Variants in DNAH6 observed in about 807,000 individuals in gnomAD.
The protein encoded by DNAH6 is dynein axonemal heavy chain 6, also known as axonemal beta dynein heavy chain 6.
DNAH6 carries 340 observed loss-of-function variants against 491.4 expected under a neutral mutation model. The ratio of observed to expected loss-of-function variants is 0.69; its 90% confidence interval spans 0.63 to 0.76. DNAH6 has a LOEUF of 0.76. DNAH6 is among the 30% of genes least tolerant of loss of function. The pLI, the probability that DNAH6 is intolerant of heterozygous loss-of-function variation, is 0.00. For synonymous variants in DNAH6, 1,603 were observed against 1,686.1 expected (o/e 0.95, Z 1.21); for missense variants, 4,443 against 4,972.2 (o/e 0.89, Z 3.20).
chr2:84,736,252 T>C (rs1192323), intron 62 of DNAH6, among the ~76,000 whole-genome samples: 9,497 of 152,244 alleles, frequency 0.062, 343 homozygotes, highest in African/African-American at 0.096. Flanking sequence ...TGTAGTCTTG[T>C]AGTATATTTA....
chr2:84,486,180 C>A, the DNAH6 span, among the ~76,000 whole-genome samples: 1 of 152,144 alleles, frequency 6.6e-6, no homozygotes, highest in South Asian at 2.1e-4. Context: ...TGCCTCATTT[C>A]TCATGAAAAA....
At chr2:84,750,258 C>A (rs1450007759) in intron 63 of DNAH6, among the ~76,000 whole-genome samples, 2 of 138,590 alleles carry the variant, frequency 1.4e-5, no homozygotes, top group Non-Finnish European at 3.0e-5. Context: ...GTGGCATGAT[C>A]TCCACTCACT....
At chr2:84,533,217 A>G (rs1454480687) in intron 4 of DNAH6, among the ~76,000 whole-genome samples, 1 of 152,158 alleles carries the variant, frequency 6.6e-6, no homozygotes, top group Non-Finnish European at 1.5e-5. Context: ...TAGCATTGAC[A>G]GAGAGTGAAA....
intron 70 of DNAH6, among the ~76,000 whole-genome samples, chr2:84,804,895 AACTTCT>A (rs1232376623): frequency 6.6e-6 from 1 of 152,056 alleles, no homozygotes; most frequent in Non-Finnish European, 1.5e-5. Context: ...AGTTCACCAC[AACTTCT>A]AATTCCTGGG....
intron 64 of DNAH6, among the ~76,000 whole-genome samples, chr2:84,779,436 T>C (rs747591369): frequency 6.6e-6 from 1 of 152,196 alleles, no homozygotes; most frequent in African/African-American, 2.4e-5. Context: ...TTTAGTCTTA[T>C]TTCTACAATA....
chr2:84,677,174 G>C (rs1411643634), intron 41 of DNAH6, 38 bp downstream of exon 41: 1 of 1,551,048 alleles, frequency 6.4e-7, no homozygotes, highest in East Asian at 2.4e-5. Flanking sequence ...AGGAGGAAAA[G>C]AAAGCATATT....
At chr2:84,499,236 T>C in the DNAH6 span, among the ~76,000 whole-genome samples, 1 of 152,100 alleles carries the variant, frequency 6.6e-6, no homozygotes, top group Non-Finnish European at 1.5e-5. Context: ...CTACTCTGTG[T>C]ATCCATGAGT....
chr2:84,624,274 G>A lies in DNAH6; in HGVS notation c.4081G>A (p.Ala1361Thr). Residue 1361 changes from alanine to threonine, a missense_variant, in exon 27 of 77, where the codon GCC (alanine) becomes ACC (threonine). Coordinates refer to ENST00000389394, the MANE Select transcript of DNAH6 (RefSeq NM_001370.2). Reference protein sequence around the residue: ...FEKVNFERLNALAAIVQGSLP... With the variant: ...FEKVNFERLNTLAAIVQGSLP... ...TTTTTTTTATTTGTAGAGATTAAAT[G>A]CCCTAGCTGCAATAGTTCAAGGCAG... is the stretch of plus-strand genomic sequence containing the variant. 6.5e-7 allele frequency: 1 copy of A among 1,546,184 alleles called. No individual in the cohort carries two copies. Among genetic ancestry groups the A allele is most frequent in the South Asian group, 1.2e-5 (1 of 82,568 alleles).
rs982838724 is a variant in DNAH6 at position 84,745,119 on chromosome 2, G to C, written c.10382G>C (p.Gly3461Ala). Residue 3461 changes from glycine (G) to alanine (A), a missense_variant, in exon 63 of 77, where the codon GGC becomes GCC. Around this residue, in one of 3 missense-constraint regions of DNAH6, gnomAD observed 1,463 missense variants for 1,656.6 expected, o/e 0.88. Transcript: ENST00000389394. ...ETYINPQKWE[G>A]YSKMKHEDKH... ...TATATTAACCCACAGAAATGGGAAGGCTATTCTAAAATGAAACACGAAGAT... is the reference window on the plus strand; with the variant it reads ...TATATTAACCCACAGAAATGGGAAGCCTATTCTAAAATGAAACACGAAGAT... 9 of 1,541,954 alleles carry C rather than the reference G, an allele frequency of 5.8e-6. No individual in the cohort carries two copies. The South Asian group carries it at 6.1e-5, about 10-fold the overall frequency.
intron 59 of DNAH6, among the ~76,000 whole-genome samples, chr2:84,719,292 C>T (rs1697856359): frequency 6.6e-6 from 1 of 152,104 alleles, no homozygotes; most frequent in East Asian, 1.9e-4. Flanking sequence ...GTCGTTCATT[C>T]TTCCTTGGGT....
intron 63 of DNAH6, among the ~76,000 whole-genome samples, chr2:84,748,776 C>A (rs143181921): frequency 6.6e-6 from 1 of 152,140 alleles, no homozygotes; most frequent in African/African-American, 2.4e-5. Flanking sequence ...CTGTATTGGT[C>A]CATTTTGCAT....
intron 37 of DNAH6, among the ~76,000 whole-genome samples, chr2:84,668,185 C>G (rs1423768366): frequency 6.6e-6 from 1 of 152,126 alleles, no homozygotes; most frequent in African/African-American, 2.4e-5. Flanking sequence ...CACATGTATA[C>G]ATACGTAATA....
chr2:84,653,091 T>C (rs925999191), intron 33 of DNAH6, among the ~76,000 whole-genome samples: 2 of 152,154 alleles, frequency 1.3e-5, no homozygotes, highest in African/African-American at 4.8e-5. Flanking sequence ...AAGCTCCTAA[T>C]ATACTTAGGA....
At chr2:84,556,499 T>C (rs1234544907) in intron 10 of DNAH6, among the ~76,000 whole-genome samples, 3 of 152,278 alleles carry the variant, frequency 2.0e-5, no homozygotes, top group Non-Finnish European at 4.4e-5. Flanking sequence ...TCTTCATCTT[T>C]TGAGACTCAT....
At chr2:84,662,918 G>T (rs140669828) in intron 37 of DNAH6, among the ~76,000 whole-genome samples, 1,791 of 152,166 alleles carry the variant, frequency 0.012, 39 homozygotes, top group African/African-American at 0.041. Context: ...CCAGAGGAAG[G>T]ATCAGGCAGC....
chr2:84,662,725 G>C (rs1296906459), intron 37 of DNAH6, among the ~76,000 whole-genome samples: 1 of 152,200 alleles, frequency 6.6e-6, no homozygotes, highest in Non-Finnish European at 1.5e-5. Context: ...AGACTTAAAC[G>C]TCCCTGTCTG....
intron 58 of DNAH6, among the ~76,000 whole-genome samples, chr2:84,717,075 C>T (rs192909813): frequency 1.4e-4 from 22 of 152,326 alleles, no homozygotes; most frequent in African/African-American, 4.8e-4. Context: ...CCTTCTGGGG[C>T]AGCACAAGGC....
At chr2:84,493,650 C>T in the DNAH6 span, among the ~76,000 whole-genome samples, 5 of 152,076 alleles carry the variant, frequency 3.3e-5, no homozygotes, top group African/African-American at 1.2e-4. Context: ...AGTTTAAATT[C>T]CTGGAGTTAA....
At chr2:84,707,910 G>A (rs896810119) in intron 54 of DNAH6, among the ~76,000 whole-genome samples, 194 bp downstream of exon 54, 14 of 152,092 alleles carry the variant, frequency 9.2e-5, no homozygotes, top group African/African-American at 3.4e-4. Context: ...TCCTTAACAC[G>A]TTCCTCCCTT....
Sources: gnomAD v4.1 joint callset for allele counts (sites outside exome capture counted in the v4.1 genomes callset) on GRCh38, gnomAD v4.1.1 for gene constraint, gnomAD v4.1.1 regional missense constraint, MANE v1.5 for transcripts, NCBI Gene and HGNC (gene_info 2026-07-23, HGNC 2026-07-21) for gene names.